The following NCF4 variants were observed in gnomAD, a reference collection of about 807,000 sequenced individuals.
NCF4 encodes the protein neutrophil cytosolic factor 4, also known as neutrophil cytosol factor 4.
In NCF4, 30 loss-of-function variants were observed where a neutral mutation model predicts 41.7. The ratio of observed to expected loss-of-function variants is 0.72; its 90% CI spans 0.54 to 0.97. NCF4 has a LOEUF of 0.97. Among genes scored for constraint, NCF4 ranks in the 50% least tolerant of loss-of-function variants. The pLI, the probability that NCF4 is intolerant of heterozygous loss-of-function variation, is 0.00. For synonymous variants in NCF4, 195 were observed against 175.8 expected (o/e 1.11, Z -0.87); for missense variants, 432 against 460.9 (o/e 0.94, Z 0.57).
At position 36,871,901 on chromosome 22, in the gene NCF4, C is replaced by A. The variant is rs2072709; in HGVS notation, c.528+192C>A. On this transcript the variant is annotated intron_variant, in intron 6 of 9. Transcript: ENST00000248899. The stretch of plus-strand genomic sequence containing the variant: ...CCCCCGAGCCCAGCTAAGGGGAGGG[C>A]ATGTGACCAGCGTGCGGAGCCAGAG... 0.71 allele frequency among the ~76,000 whole-genome samples: 108,495 copies of A among 152,224 alleles called. 38,795 individuals carry two copies. The highest frequency in any genetic ancestry group is 0.77 in the Admixed American group (11,807 of 15,306).
chr22:36,863,089 G>C (rs539668118), intron 1 of NCF4, among the ~76,000 whole-genome samples: 1 of 152,232 alleles, frequency 6.6e-6, no homozygotes, highest in Admixed American at 6.5e-5. Flanking sequence ...CTTCTTGCCC[G>C]CCCCACAGGC....
Position 36,865,059 on chromosome 22 carries a change from G to A in NCF4, c.258G>A (p.Leu86=), listed in dbSNP as rs774613957. 5.5e-5 allele frequency: 89 copies of A among 1,611,670 alleles called. No homozygotes were observed. In the East Asian group the frequency reaches 1.5e-3, roughly 27 times the overall value. The change falls in exon 3 of 10, where the codon CTG becomes CTA. Residue 86 remains leucine, a synonymous_variant. Coordinates refer to ENST00000248899, the MANE Select transcript of NCF4 (RefSeq NM_000631.5). The surrounding 1 kb of genome is among the most constrained non-coding windows in gnomAD (Gnocchi z 4.3). ...DSKSSALACT[L]PTLPAKVYVG... Reference sequence around the variant, plus strand: ...AGAGCAGTGCCCTGGCCTGTACCCTGCCCACACTCCCAGGTAGGCGGCCAC... The same window carrying A: ...AGAGCAGTGCCCTGGCCTGTACCCTACCCACACTCCCAGGTAGGCGGCCAC...
chr22:36,870,383 A>G lies in NCF4; in HGVS notation c.343-32A>G, dbSNP rs200587238. 234 of 1,612,342 alleles carry G rather than the reference A, an allele frequency of 1.5e-4. 1 individual carries two copies. The African/African-American group carries it at 2.6e-3, about 18-fold the overall frequency. On this transcript the variant is annotated intron_variant, in intron 4 of 9. Transcript: ENST00000248899. ...GGGTGTCCAGATCTTTCTGCTGACT[A>G]CCCCACCGGTTCTGCTGTCTCACCC...
At chr22:36,864,703 GTTTT>G (rs34176632) in intron 2 of NCF4, among the ~76,000 whole-genome samples, 1 of 148,606 alleles carries the variant, frequency 6.7e-6, no homozygotes, top group Non-Finnish European at 1.5e-5. Flanking sequence ...TCTTTTTCCA[GTTTT>G]TTTTTTCTTT....
In NCF4 at chr22:36,870,936, C is replaced by T. The variant is rs35804749; in HGVS notation, c.470+394C>T. 4.0e-3 allele frequency among the ~76,000 whole-genome samples: 612 copies of T among 152,276 alleles called. 4 individuals are homozygous for T. Among genetic ancestry groups the T allele is most frequent in the African/African-American group, 0.013 (547 of 41,544 alleles). On this transcript the variant is annotated intron_variant, in intron 5 of 9. Coordinates refer to ENST00000248899, the MANE Select transcript of NCF4 (RefSeq NM_000631.5). ...CCTTCTCCCTGGTGTGTTGGAGCTCCATGGGGCCAGCTATGGCTCTAGTTG... is the reference window on the plus strand; with the variant it reads ...CCTTCTCCCTGGTGTGTTGGAGCTCTATGGGGCCAGCTATGGCTCTAGTTG...
intron 5 of NCF4, among the ~76,000 whole-genome samples, 193 bp from the exon 6 acceptor site, chr22:36,871,459 C>A (rs375713189): frequency 1.3e-5 from 2 of 152,246 alleles, no homozygotes; most frequent in East Asian, 3.9e-4. Flanking sequence ...GGAGAACAAT[C>A]CCACCTCCAA....
rs35429289 is a variant in NCF4 at position 36,865,686 on chromosome 22, C to T, written c.271+614C>T. Among the ~76,000 whole-genome samples the T allele has an allele frequency of 8.7e-3, 1,323 of 152,322 alleles. 22 individuals are homozygous for T. Among genetic ancestry groups the T allele is most frequent in the African/African-American group, 0.03 (1,259 of 41,560 alleles). ...TGCCCCGCAGGAGGAAACCCCATCACGAATGGGTTACACGGGGGTGGTCTC... is the reference window on the plus strand; with the variant it reads ...TGCCCCGCAGGAGGAAACCCCATCATGAATGGGTTACACGGGGGTGGTCTC... On this transcript the variant is annotated intron_variant, in intron 3 of 9. Coordinates refer to ENST00000248899, the MANE Select transcript of NCF4 (RefSeq NM_000631.5). The surrounding 1 kb of genome is among the most constrained non-coding windows in gnomAD (Gnocchi z 4.3).
At position 36,865,107 on chromosome 22, in the gene NCF4, T is replaced by C. The variant is rs1939896163; in HGVS notation, c.271+35T>C. 1.9e-6 allele frequency: 3 copies of C among 1,603,206 alleles called. No individual in the cohort carries two copies. The highest frequency in any genetic ancestry group is 2.5e-6 in the Non-Finnish European group (3 of 1,179,620). ...CACTCCCGTCCTGCTGCTGCAGAGC[T>C]GCTGACTCTCCTTCCTTCCAGGGCC... is the stretch of plus-strand genomic sequence containing the variant. On this transcript the variant is annotated intron_variant, in intron 3 of 9. Transcript: ENST00000248899. The surrounding 1 kb of genome is among the most constrained non-coding windows in gnomAD (Gnocchi z 4.3).
intron 5 of NCF4, 43 bp downstream of exon 5, chr22:36,870,585 G>A (rs1479481694): frequency 2.5e-6 from 4 of 1,603,492 alleles, no homozygotes; most frequent in Non-Finnish European, 3.4e-6. Flanking sequence ...CAGAGCCCTG[G>A]GTCCCTGCTG....
chr22:36,870,192 G>A lies in NCF4; in HGVS notation c.343-223G>A, dbSNP rs78370907. On this transcript the variant is annotated intron_variant, in intron 4 of 9. Coordinates refer to ENST00000248899, the MANE Select transcript of NCF4 (RefSeq NM_000631.5). ...CCAAATGGACTCTTCTCAAGCCCCT[G>A]GTCCCTCTCCTGACCTTGGACCCAG... 9.4e-4 allele frequency: 588 copies of A among 626,032 alleles called. 4 individuals are homozygous for A. In the African/African-American group the frequency reaches 0.01, roughly 11 times the overall value. 38.8% of individuals were successfully genotyped at this position (626,032 alleles called of 1,614,324 possible). A position where few individuals can be genotyped will look rare whatever the true frequency, so the allele number is the denominator to read the frequency against.
Position 36,875,684 on chromosome 22 carries a change from C to T in NCF4, c.659C>T (p.Pro220Leu), listed in dbSNP as rs767125572. The T allele has an allele frequency of 4.3e-6, 7 of 1,612,850 alleles. No homozygotes were observed. In the African/African-American group the frequency reaches 8.0e-5, roughly 18 times the overall value. ...GTVRGATGIF[P>L]LSFVKILKDF... ...GTCCGGGGAGCCACGGGCATCTTCC[C>T]TCTCTCCTTCGTGAAGATCCTCAAA... The change falls in exon 8 of 10, where the codon CCT becomes CTT. Residue 220 changes from proline (P) to leucine (L), a missense_variant. Transcript: ENST00000248899.
At chr22:36,863,439 T>C (rs528888381) in intron 1 of NCF4, among the ~76,000 whole-genome samples, 1 of 151,090 alleles carries the variant, frequency 6.6e-6, no homozygotes, top group East Asian at 2.0e-4. Flanking sequence ...TCTGTCCTGC[T>C]TGACTCCTTC....
rs1041157674 is a variant in NCF4 at position 36,865,880 on chromosome 22, C to T, written c.271+808C>T. Reference sequence around the variant, plus strand: ...TGACCCCGCTCCTTCTCATCCAGCCCCACCAAGGAACTTGAAGCTCCCCCT... The same window carrying T: ...TGACCCCGCTCCTTCTCATCCAGCCTCACCAAGGAACTTGAAGCTCCCCCT... On this transcript the variant is annotated intron_variant, in intron 3 of 9. Coordinates refer to ENST00000248899, the MANE Select transcript of NCF4 (RefSeq NM_000631.5). The surrounding 1 kb of genome is among the most constrained non-coding windows in gnomAD (Gnocchi z 4.3). Among the ~76,000 whole-genome samples the T allele has an allele frequency of 1.1e-4, 16 of 152,124 alleles. No homozygotes were observed. Among genetic ancestry groups the T allele is most frequent in the African/African-American group, 3.9e-4 (16 of 41,430 alleles).
In NCF4 at chr22:36,865,520, T is replaced by C. The variant is rs376638358; in HGVS notation, c.271+448T>C. 2.0e-3 allele frequency among the ~76,000 whole-genome samples: 300 copies of C among 152,158 alleles called. No homozygotes were observed. The highest frequency in any genetic ancestry group is 3.4e-3 in the African/African-American group (140 of 41,518). The stretch of plus-strand genomic sequence containing the variant: ...AGCGTCCCTGTGGCTCTCCTTCTTC[T>C]CCTGTCCCGCCAGGAAGCTGGGTGG... On this transcript the variant is annotated intron_variant, in intron 3 of 9. Coordinates refer to ENST00000248899, the MANE Select transcript of NCF4 (RefSeq NM_000631.5). The surrounding 1 kb of genome is among the most constrained non-coding windows in gnomAD (Gnocchi z 4.3).
At chr22:36,872,114 G>C (rs1161321605) in intron 6 of NCF4, 2 of 710,992 alleles carry the variant, frequency 2.8e-6, no homozygotes, top group Admixed American at 4.0e-5. Context: ...CCCCCACCAG[G>C]TTTGGAAGGA....
Position 36,865,212 on chromosome 22 carries a change from C to A in NCF4, c.271+140C>A. The A allele has an allele frequency of 7.7e-7, 1 of 1,304,408 alleles. No homozygotes were observed. The highest frequency in any genetic ancestry group is 1.1e-6 in the Non-Finnish European group (1 of 941,550). 80.8% of individuals were successfully genotyped at this position (1,304,408 alleles called of 1,614,324 possible). On this transcript the variant is annotated intron_variant, in intron 3 of 9. Coordinates refer to ENST00000248899, the MANE Select transcript of NCF4 (RefSeq NM_000631.5). This position sits in a 1 kb window ranked among gnomAD's most constrained non-coding sequence, Gnocchi z 4.3. ...TTATAGCCCCCACTCCCGGCAGTTA[C>A]AGGCTGCCAAGCCCTCCCTGCATGG...
chr22:36,861,185 A>G lies in NCF4; in HGVS notation c.14A>G (p.Gln5Arg). ...CCATCGCCCACCATGGCTGTGGCCC[A>G]GCAGCTGCGGGCCGAGAGGTGAGTG... MAVAQQLRAESDFEQ... is the reference protein window; with the variant it reads MAVARQLRAESDFEQ... Residue 5 changes from glutamine to arginine, a missense_variant, in exon 1 of 10, where the codon CAG (glutamine) becomes CGG (arginine). Gln to Arg is a conservative substitution (Grantham distance 43). Coordinates refer to ENST00000248899, the MANE Select transcript of NCF4 (RefSeq NM_000631.5). The G allele has an allele frequency of 1.3e-6, 2 of 1,551,394 alleles. No individual in the cohort carries two copies. Among genetic ancestry groups the G allele is most frequent in the Non-Finnish European group, 1.7e-6 (2 of 1,146,802 alleles).
At chr22:36,872,293 T>C (rs770162535) in intron 6 of NCF4, 34 bp from the exon 7 acceptor site, 2 of 1,473,668 alleles carry the variant, frequency 1.4e-6, no homozygotes, top group South Asian at 1.1e-5. Context: ...GTGAGTGTTC[T>C]CTCCTTCCCT....
chr22:36,872,353 C>G lies in NCF4; in HGVS notation c.555C>G (p.Ser185Arg), dbSNP rs1440379390. The G allele has an allele frequency of 6.2e-7, 1 of 1,612,816 alleles. No homozygotes were observed. The highest frequency in any genetic ancestry group is 8.5e-7 in the Non-Finnish European group (1 of 1,178,824). Residue 185 changes from serine to arginine, a missense_variant, in exon 7 of 10, where the codon AGC becomes AGG. Physicochemically the swap from Ser to Arg is moderately radical, Grantham distance 110 (BLOSUM62 -1). Coordinates refer to ENST00000248899, the MANE Select transcript of NCF4 (RefSeq NM_000631.5). The part of the protein sequence containing the change: ...AEALFDFTGN[S>R]KLELNFKAGD... The stretch of plus-strand genomic sequence containing the variant: ...CTCTATTTGACTTCACTGGAAACAG[C>G]AAACTGGAGCTGAATTTCAAAGCTG...
Sources: gnomAD v4.1 joint callset for allele counts (sites outside exome capture counted in the v4.1 genomes callset) on GRCh38, gnomAD v4.1.1 for gene constraint, Gnocchi (gnomAD v3.1) non-coding constraint, MANE v1.5 for transcripts, NCBI Gene and HGNC (gene_info 2026-07-23, HGNC 2026-07-21) for gene names.